The following SCAPER variants were observed in gnomAD, a reference collection of about 807,000 sequenced individuals.
SCAPER encodes the protein S-phase cyclin A associated protein in the ER, also known as S phase cyclin A-associated protein in the endoplasmic reticulum.
Under a neutral mutation model 182.2 loss-of-function variants are expected in SCAPER, and 98 were observed. The ratio of observed to expected loss-of-function variants is 0.54; its 90% CI spans 0.46 to 0.64. SCAPER has a LOEUF of 0.64. Ranked by LOEUF, SCAPER falls within the 30% of genes least tolerant of loss-of-function variation. SCAPER has a pLI of 0.00. For synonymous variants in SCAPER, 605 were observed against 564.6 expected, an observed-to-expected ratio of 1.07 and a Z score of -1.01; for missense variants, 1,432 against 1,690.0, an observed-to-expected ratio of 0.85 and a Z score of 2.68.
chr15:76,399,463 C>T (rs780303003), intron 27 of SCAPER, among the ~76,000 whole-genome samples: 1 of 152,166 alleles, frequency 6.6e-6, no homozygotes, highest in African/African-American at 2.4e-5. Context: ...AGTCCCATTA[C>T]AGACTATTGA....
At chr15:76,766,057 C>T (rs1026367904) in intron 11 of SCAPER, among the ~76,000 whole-genome samples, 1 of 151,646 alleles carries the variant, frequency 6.6e-6, no homozygotes, top group African/African-American at 2.4e-5. Flanking sequence ...CACTTAGTAA[C>T]AGAAGGTAGT....
Position 76,838,462 on chromosome 15 carries a change from T to C in SCAPER, c.393+3272A>G, listed in dbSNP as rs562668818. On this transcript the variant is annotated intron_variant, in intron 5 of 31. Coordinates refer to ENST00000563290, the MANE Select transcript of SCAPER (RefSeq NM_020843.4). ...CCAAAGGAAGCTCCTATGACTCTAA[T>C]ACCTTCATCTATGCCTATGCTCCTT... 2.0e-5 allele frequency among the ~76,000 whole-genome samples: 3 copies of C among 152,294 alleles called. No homozygotes were observed. In the South Asian group the frequency reaches 6.2e-4, roughly 32 times the overall value.
intron 25 of SCAPER, among the ~76,000 whole-genome samples, chr15:76,460,168 T>C (rs142587370): frequency 1.6e-4 from 24 of 152,294 alleles, no homozygotes; most frequent in Middle Eastern, 6.8e-3. Context: ...TTAGGTAGTA[T>C]AGTCATTTTA....
intron 2 of SCAPER, among the ~76,000 whole-genome samples, chr15:76,874,130 G>A (rs1237976140): frequency 6.6e-6 from 1 of 152,294 alleles, no homozygotes; most frequent in East Asian, 1.9e-4. Flanking sequence ...CTAGCCTCAA[G>A]TGATCCATCT....
intron 1 of SCAPER, among the ~76,000 whole-genome samples, chr15:76,902,991 G>A (rs1359597651): frequency 6.6e-6 from 1 of 151,990 alleles, no homozygotes; most frequent in East Asian, 1.9e-4. Flanking sequence ...AACTTGGGAG[G>A]TGGAGTTTGC....
chr15:76,446,960 T>C (rs977191048), intron 25 of SCAPER, among the ~76,000 whole-genome samples: 1 of 152,176 alleles, frequency 6.6e-6, no homozygotes, highest in African/African-American at 2.4e-5. Context: ...CAACACTTCA[T>C]TGTACAACAG....
intron 20 of SCAPER, among the ~76,000 whole-genome samples, 200 bp from the exon 21 acceptor site, chr15:76,665,989 T>C (rs1485700499): frequency 6.6e-6 from 1 of 152,178 alleles, no homozygotes; most frequent in East Asian, 1.9e-4. Flanking sequence ...CTTCACTTCA[T>C]TGCATATCAA....
At chr15:76,644,683 C>T (rs1309989898) in intron 21 of SCAPER, among the ~76,000 whole-genome samples, 1 of 152,050 alleles carries the variant, frequency 6.6e-6, no homozygotes, top group Non-Finnish European at 1.5e-5. Context: ...CAGTATAAAA[C>T]CTAAACTACT....
chr15:76,409,430 T>C (rs1329548504), intron 26 of SCAPER, among the ~76,000 whole-genome samples: 1 of 152,168 alleles, frequency 6.6e-6, no homozygotes, highest in Admixed American at 6.5e-5. Flanking sequence ...AAATTTAAAA[T>C]GAGTCCCTTT....
intron 23 of SCAPER, among the ~76,000 whole-genome samples, chr15:76,524,489 A>G (rs1245969549): frequency 1.3e-5 from 2 of 152,124 alleles, no homozygotes; most frequent in Non-Finnish European, 2.9e-5. Flanking sequence ...ATTAGAAACA[A>G]GATCAATATA....
At chr15:76,455,541 T>C (rs917597543) in intron 25 of SCAPER, among the ~76,000 whole-genome samples, 2 of 152,220 alleles carry the variant, frequency 1.3e-5, no homozygotes, top group Non-Finnish European at 2.9e-5. Flanking sequence ...TCACAGGTGT[T>C]ATCATAATGC....
intron 2 of SCAPER, among the ~76,000 whole-genome samples, chr15:76,880,065 T>C (rs150146748): frequency 1.3e-5 from 2 of 152,348 alleles, no homozygotes; most frequent in South Asian, 2.1e-4. Context: ...TCTACATAAA[T>C]TGATAACTTA....
chr15:76,841,343 G>C (rs921806663), intron 5 of SCAPER, among the ~76,000 whole-genome samples: 2 of 152,118 alleles, frequency 1.3e-5, no homozygotes, highest in Non-Finnish European at 2.9e-5. Context: ...ACTAGAAAAA[G>C]TAAGATAAAT....
chr15:76,779,931 G>C (rs910595077), intron 8 of SCAPER, among the ~76,000 whole-genome samples: 57 of 152,188 alleles, frequency 3.7e-4, no homozygotes, highest in African/African-American at 1.4e-3. Flanking sequence ...TGGGTGAATA[G>C]GAACAGCTCC....
At chr15:76,550,497 A>G (rs1229168982) in intron 23 of SCAPER, among the ~76,000 whole-genome samples, 2 of 152,130 alleles carry the variant, frequency 1.3e-5, no homozygotes, top group Non-Finnish European at 2.9e-5. Flanking sequence ...TTCCAGTTCC[A>G]TCCATGTCCC....
At chr15:76,795,187 C>T (rs2065237872) in intron 8 of SCAPER, 93 bp downstream of exon 8, 4 of 1,173,466 alleles carry the variant, frequency 3.4e-6, no homozygotes, top group Non-Finnish European at 4.7e-6. Flanking sequence ...GTATGTTGTA[C>T]AAAAAGATAA....
chr15:76,411,109 C>T (rs2045259077), intron 26 of SCAPER, among the ~76,000 whole-genome samples: 1 of 152,138 alleles, frequency 6.6e-6, no homozygotes, highest in Non-Finnish European at 1.5e-5. Context: ...CTATCCAATC[C>T]TTTCCTATCT....
chr15:76,593,421 G>C lies in SCAPER; in HGVS notation c.2712-19137C>G, dbSNP rs531330457. 9.1e-5 allele frequency among the ~76,000 whole-genome samples: 11 copies of C among 121,530 alleles called. 1 individual carries two copies. The highest frequency in any genetic ancestry group is 2.8e-4 in the African/African-American group (11 of 39,874). 79.7% of individuals were successfully genotyped at this position (121,530 alleles called of 152,430 possible). A position where few individuals can be genotyped will look rare whatever the true frequency, so the allele number is the denominator to read the frequency against. On this transcript the variant is annotated intron_variant, in intron 22 of 31. Transcript: ENST00000563290. ...TCAGGAGACTTAAACATTCCAGCCT[G>C]CTGACTCTGAAGAGAGCAGCGGATC...
intron 24 of SCAPER, among the ~76,000 whole-genome samples, chr15:76,477,803 C>T (rs62028431): frequency 0.068 from 10,337 of 152,002 alleles, 394 homozygotes; most frequent in Middle Eastern, 0.11. Context: ...TGCATTATCA[C>T]GGTGTGCCTT....
Sources: gnomAD v4.1 joint callset for allele counts (sites outside exome capture counted in the v4.1 genomes callset) on GRCh38, gnomAD v4.1.1 for gene constraint, MANE v1.5 for transcripts, NCBI Gene and HGNC (gene_info 2026-07-23, HGNC 2026-07-21) for gene names.